The following FGF14 variants were observed in gnomAD, a reference collection of about 807,000 sequenced individuals.
The protein encoded by FGF14 is fibroblast growth factor homologous factor 4.
Under a neutral mutation model 25.5 loss-of-function variants are expected in FGF14, and 5 were observed. The observed-to-expected ratio is 0.20, with a 90% CI of 0.10 to 0.41. The LOEUF is 0.41. Ranked by LOEUF, FGF14 falls within the 10% of genes least tolerant of loss-of-function variation. FGF14 has a pLI of 1.00. For synonymous variants in FGF14, 138 were observed against 118.3 expected, an observed-to-expected ratio of 1.17 and a Z score of -1.08; for missense variants, 222 against 320.1, an observed-to-expected ratio of 0.69 and a Z score of 2.34.
At chr13:102,046,962 T>C (rs1175635617) in intron 1 of FGF14, among the ~76,000 whole-genome samples, 2 of 152,154 alleles carry the variant, frequency 1.3e-5, no homozygotes, top group East Asian at 1.9e-4. Context: ...GATGGATCTA[T>C]TGGGGAGGTG....
chr13:101,897,383 T>C (rs1468080954), intron 1 of FGF14, among the ~76,000 whole-genome samples: 3 of 152,200 alleles, frequency 2.0e-5, no homozygotes, highest in Non-Finnish European at 4.4e-5. Flanking sequence ...TAGAGGTCTA[T>C]TTGGGGTGTG....
At chr13:102,047,110 T>C (rs1241948116) in intron 1 of FGF14, among the ~76,000 whole-genome samples, 1 of 152,140 alleles carries the variant, frequency 6.6e-6, no homozygotes, top group African/African-American at 2.4e-5. Context: ...ACTGAATAAA[T>C]AGTATATTTT....
chr13:102,095,540 G>T (rs551164273), intron 1 of FGF14, among the ~76,000 whole-genome samples: 1 of 152,198 alleles, frequency 6.6e-6, no homozygotes, highest in Non-Finnish European at 1.5e-5. Context: ...TCATAAAGTT[G>T]CACTAAATGT....
intron 1 of FGF14, among the ~76,000 whole-genome samples, chr13:102,338,321 C>A (rs2056847186): frequency 1.3e-5 from 2 of 152,048 alleles, no homozygotes; most frequent in Non-Finnish European, 2.9e-5. Context: ...ACATCCATGC[C>A]CCCCCTTCTG....
chr13:101,832,131 C>T (rs546604243), intron 3 of FGF14, among the ~76,000 whole-genome samples: 13 of 152,062 alleles, frequency 8.5e-5, no homozygotes, highest in African/African-American at 2.7e-4. Context: ...GAGGGAGATC[C>T]GATATACGCA....
intron 1 of FGF14, among the ~76,000 whole-genome samples, chr13:102,037,027 A>G (rs1255762488): frequency 2.0e-5 from 3 of 152,116 alleles, no homozygotes; most frequent in African/African-American, 7.2e-5. Flanking sequence ...TCATCACCCT[A>G]ATGGATAACC....
chr13:102,161,645 A>C (rs1172343222), intron 1 of FGF14, among the ~76,000 whole-genome samples: 12 of 12,212 alleles, frequency 9.8e-4, no homozygotes, highest in Non-Finnish European at 1.3e-3. Flanking sequence ...AAGAAGAAGA[A>C]GAAGAAGAAG....
intron 1 of FGF14, among the ~76,000 whole-genome samples, chr13:102,248,800 G>A (rs989831798): frequency 4.6e-5 from 7 of 152,078 alleles, no homozygotes; most frequent in Admixed American, 2.0e-4. Context: ...ACCATCTTTC[G>A]TGATGTGAAA....
chr13:101,987,530 A>T (rs1279096102), intron 1 of FGF14, among the ~76,000 whole-genome samples: 1 of 152,060 alleles, frequency 6.6e-6, no homozygotes, highest in Admixed American at 6.6e-5. Context: ...TTTAGCACTT[A>T]ATTTTACAAA....
intron 3 of FGF14, among the ~76,000 whole-genome samples, chr13:101,796,491 C>T (rs967956506): frequency 3.3e-5 from 5 of 151,926 alleles, no homozygotes; most frequent in Non-Finnish European, 7.4e-5. Context: ...TTATATTCCC[C>T]CCAAATTCAT....
At chr13:101,895,345 AAAGT>A (rs1429390563) in intron 1 of FGF14, among the ~76,000 whole-genome samples, 1 of 152,198 alleles carries the variant, frequency 6.6e-6, no homozygotes, top group Non-Finnish European at 1.5e-5. Context: ...TTATAAGTAT[AAAGT>A]AAGGATGTCA....
At chr13:102,009,712 G>C (rs557560999) in intron 1 of FGF14, among the ~76,000 whole-genome samples, 2 of 151,678 alleles carry the variant, frequency 1.3e-5, no homozygotes, top group African/African-American at 4.8e-5. Context: ...ACATTTCATT[G>C]TGTTACTAAT....
intron 3 of FGF14, among the ~76,000 whole-genome samples, chr13:101,818,999 C>A (rs553030226): frequency 2.8e-4 from 43 of 152,274 alleles, no homozygotes; most frequent in African/African-American, 8.7e-4. Flanking sequence ...CAATCTGGGT[C>A]CTCTTGAGCA....
intron 1 of FGF14, among the ~76,000 whole-genome samples, chr13:101,989,935 C>T (rs2038804431): frequency 6.6e-6 from 1 of 152,042 alleles, no homozygotes; most frequent in Non-Finnish European, 1.5e-5. Flanking sequence ...TTACTCATTC[C>T]AAGCACACGC....
intron 1 of FGF14, among the ~76,000 whole-genome samples, chr13:102,019,844 C>T (rs930236517): frequency 1.3e-5 from 2 of 152,104 alleles, no homozygotes; most frequent in Non-Finnish European, 2.9e-5. Flanking sequence ...GAGAATTGGA[C>T]TCGTATTGTT....
At chr13:102,102,931 C>T (rs926028190) in intron 1 of FGF14, among the ~76,000 whole-genome samples, 4 of 152,166 alleles carry the variant, frequency 2.6e-5, no homozygotes, top group African/African-American at 9.7e-5. Context: ...GCCTGCAAAT[C>T]CTCGTTCTAG....
intron 1 of FGF14, among the ~76,000 whole-genome samples, chr13:102,018,768 T>C (rs1005946986): frequency 7.0e-6 from 1 of 143,046 alleles, no homozygotes; most frequent in Non-Finnish European, 1.5e-5. Context: ...GTTGTTCATC[T>C]ACTCTGGCTT....
Position 101,715,683 on chromosome 13 carries a change from A to AT in FGF14, c.*7147dup, listed in dbSNP as rs780190935. The AT allele has an allele frequency of 2.7e-6, 4 of 1,464,500 alleles. No homozygotes were observed. The highest frequency in any genetic ancestry group is 2.3e-5 in the South Asian group (2 of 88,028). The allele number at this position is 1,464,500 out of a possible 1,614,324, so 90.7% of individuals were successfully genotyped here. A position where few individuals can be genotyped will look rare whatever the true frequency, so the allele number is the denominator to read the frequency against. ...TTACATGAGAGAGGTCTGGATTCTTATTTTTTCTGGGCCATTAGAACAGAT... is the reference window on the plus strand; with the variant it reads ...TTACATGAGAGAGGTCTGGATTCTTATTTTTTTCTGGGCCATTAGAACAGAT... On this transcript the variant is annotated 3_prime_UTR_variant, in exon 5 of 5. Transcript: ENST00000376143.
chr13:102,358,204 GA>G (rs2057469669), intron 1 of FGF14, among the ~76,000 whole-genome samples: 3 of 151,994 alleles, frequency 2.0e-5, no homozygotes, highest in Admixed American at 1.3e-4. Context: ...GTTGAAATAT[GA>G]ATCATTAACA....
Sources: allele counts gnomAD v4.1 joint callset (sites outside exome capture counted in the v4.1 genomes callset), GRCh38; gene constraint gnomAD v4.1.1; transcripts MANE v1.5; gene names NCBI Gene and HGNC (gene_info 2026-07-23, HGNC 2026-07-21).